Variants in CDH12 observed in about 807,000 individuals in gnomAD.
CDH12 encodes the protein cadherin 12.
Under a neutral mutation model 74.1 loss-of-function variants are expected in CDH12, and 41 were observed. That is an observed-to-expected ratio of 0.55 (90% CI 0.43 to 0.72). The LOEUF (loss-of-function observed/expected upper bound fraction) is 0.72. Among genes scored for constraint, CDH12 ranks in the 30% least tolerant of loss-of-function variants. The probability of loss-of-function intolerance (pLI) is 0.00; values close to 1 mark genes in which losing one functional copy is unlikely to be tolerated. For synonymous variants in CDH12, 399 were observed against 355.0 expected (o/e 1.12, Z -1.39); for missense variants, 945 against 977.2 (o/e 0.97, Z 0.44).
chr5:22,274,351 A>T (rs933724003), intron 3 of CDH12, among the ~76,000 whole-genome samples: 12 of 152,164 alleles, frequency 7.9e-5, no homozygotes, highest in Non-Finnish European at 1.6e-4. Context: ...TTCACTGAAA[A>T]TTTTAATCTA....
intron 1 of CDH12, among the ~76,000 whole-genome samples, chr5:22,733,553 C>T (rs189475188): frequency 4.0e-5 from 6 of 151,336 alleles, no homozygotes; most frequent in East Asian, 2.0e-4. Flanking sequence ...GATTTATATG[C>T]GCCCATGATG....
intron 1 of CDH12, among the ~76,000 whole-genome samples, chr5:22,676,442 G>C (rs1244958931): frequency 6.6e-6 from 1 of 152,056 alleles, no homozygotes; most frequent in African/African-American, 2.4e-5. Context: ...GTAGGCCATG[G>C]GCCATATCAG....
chr5:22,113,322 G>T lies in CDH12; in HGVS notation c.-186-34460C>A, dbSNP rs146535642. ...ATTTTTTTAATTCTAGGCTCTCCCA[G>T]TCCTAAAGAGATTAACTAAAAGTCT... On this transcript the variant is annotated intron_variant, in intron 4 of 14. Transcript: ENST00000382254. Among the ~76,000 whole-genome samples, 304 of 152,088 alleles carry T rather than the reference G, an allele frequency of 2.0e-3. 6 individuals carry two copies. The East Asian group carries it at 0.047, about 24-fold the overall frequency.
intron 1 of CDH12, among the ~76,000 whole-genome samples, chr5:22,591,547 GT>G (rs1406393248): frequency 6.6e-6 from 1 of 152,026 alleles, no homozygotes; most frequent in Non-Finnish European, 1.5e-5. Context: ...ACAAGTTCCT[GT>G]TTTTTTATCA....
chr5:22,844,024 G>T (rs1473210649), intron 1 of CDH12, among the ~76,000 whole-genome samples: 1 of 152,002 alleles, frequency 6.6e-6, no homozygotes, highest in Admixed American at 6.6e-5. Flanking sequence ...TTATAAGGAT[G>T]CTTATTTGTA....
chr5:22,532,274 T>C (rs1241646659), intron 1 of CDH12, among the ~76,000 whole-genome samples: 1 of 146,390 alleles, frequency 6.8e-6, no homozygotes, highest in Non-Finnish European at 1.5e-5. Flanking sequence ...CTGCACGACA[T>C]GGCACATGTG....
chr5:21,849,107 T>A (rs369326124), intron 7 of CDH12, among the ~76,000 whole-genome samples: 1 of 151,870 alleles, frequency 6.6e-6, no homozygotes, highest in South Asian at 2.1e-4. Flanking sequence ...ATTCTTATCT[T>A]TTTTCTACAT....
At position 22,280,334 on chromosome 5, in the gene CDH12, C is replaced by T. The variant is rs574876897; in HGVS notation, c.-332-67691G>A. Among the ~76,000 whole-genome samples the T allele has an allele frequency of 4.1e-3, 620 of 152,092 alleles. 9 individuals are homozygous for T. Among genetic ancestry groups the T allele is most frequent in the African/African-American group, 0.014 (586 of 41,522 alleles). On this transcript the variant is annotated intron_variant, in intron 3 of 14. Coordinates refer to ENST00000382254, the MANE Select transcript of CDH12 (RefSeq NM_004061.5). Reference sequence around the variant, plus strand: ...AGAACTAGAGAAGCAAGAGCAAACACATTCAAAAGCTAGCAGAAGGCAAGA... The same window carrying T: ...AGAACTAGAGAAGCAAGAGCAAACATATTCAAAAGCTAGCAGAAGGCAAGA...
intron 1 of CDH12, among the ~76,000 whole-genome samples, chr5:22,564,229 C>G (rs921261917): frequency 2.3e-4 from 35 of 152,312 alleles, no homozygotes; most frequent in African/African-American, 8.2e-4. Flanking sequence ...ATCGTACATA[C>G]TTTACTGCAA....
chr5:22,642,895 C>G (rs766637009), intron 1 of CDH12, among the ~76,000 whole-genome samples: 1 of 152,034 alleles, frequency 6.6e-6, no homozygotes, highest in Non-Finnish European at 1.5e-5. Flanking sequence ...CTTTACTATT[C>G]TGGTTTTTGT....
intron 3 of CDH12, among the ~76,000 whole-genome samples, chr5:22,245,836 C>T (rs1752925805): frequency 6.6e-6 from 1 of 152,086 alleles, no homozygotes; most frequent in Non-Finnish European, 1.5e-5. Flanking sequence ...AGTAGCTCCA[C>T]ACCAGAGAAA....
At chr5:22,022,299 T>C (rs1738040305) in intron 5 of CDH12, among the ~76,000 whole-genome samples, 2 of 152,248 alleles carry the variant, frequency 1.3e-5, no homozygotes, top group African/African-American at 4.8e-5. Flanking sequence ...CTTTTCATGA[T>C]ACTGACTCAT....
chr5:22,411,024 T>G (rs1743148439), intron 2 of CDH12, among the ~76,000 whole-genome samples: 2 of 152,084 alleles, frequency 1.3e-5, no homozygotes, highest in South Asian at 2.1e-4. Flanking sequence ...AACATAATTT[T>G]GGGGATAATT....
chr5:22,759,766 T>C (rs993505469), intron 1 of CDH12, among the ~76,000 whole-genome samples: 1 of 152,344 alleles, frequency 6.6e-6, no homozygotes, highest in East Asian at 1.9e-4. Flanking sequence ...TGTGAATTTA[T>C]ATATACAGAG....
At chr5:22,711,680 T>A (rs754548939) in intron 1 of CDH12, among the ~76,000 whole-genome samples, 3 of 152,094 alleles carry the variant, frequency 2.0e-5, no homozygotes, top group South Asian at 2.1e-4. Context: ...TCATAGGAAA[T>A]TTTTTATTGC....
intron 6 of CDH12, among the ~76,000 whole-genome samples, chr5:21,869,326 G>A (rs1373848355): frequency 6.6e-6 from 1 of 152,142 alleles, no homozygotes. Flanking sequence ...ATGACCCAGA[G>A]TCTTCCTGTA....
chr5:21,924,529 C>T (rs1163482323), intron 6 of CDH12, among the ~76,000 whole-genome samples: 1 of 78,852 alleles, frequency 1.3e-5, no homozygotes, highest in African/African-American at 3.1e-5. Flanking sequence ...TAAATAAATA[C>T]ATGAATACAT....
intron 3 of CDH12, among the ~76,000 whole-genome samples, chr5:22,364,844 A>C (rs913728069): frequency 1.3e-5 from 2 of 152,192 alleles, no homozygotes; most frequent in African/African-American, 4.8e-5. Context: ...CTGGGGCTAA[A>C]GGCATGCTGA....
chr5:22,059,259 C>A (rs929807899), intron 5 of CDH12, among the ~76,000 whole-genome samples: 2 of 145,932 alleles, frequency 1.4e-5, no homozygotes, highest in Admixed American at 1.4e-4. Context: ...TGTACTCTAT[C>A]TATCTATCTA....
Sources: gnomAD v4.1 joint callset for allele counts (sites outside exome capture counted in the v4.1 genomes callset) on GRCh38, gnomAD v4.1.1 for gene constraint, MANE v1.5 for transcripts, NCBI Gene and HGNC (gene_info 2026-07-23, HGNC 2026-07-21) for gene names.